The following GALNT1 variants were observed in gnomAD, a reference collection of about 807,000 sequenced individuals.
GALNT1 encodes polypeptide N-acetylgalactosaminyltransferase 1.
GALNT1 carries 17 observed loss-of-function variants against 65.7 expected under a neutral mutation model. That is an observed-to-expected ratio of 0.26 (90% CI 0.18 to 0.39). The LOEUF is 0.39. GALNT1 is among the 10% of genes least tolerant of loss of function. GALNT1 has a pLI of 1.00. For missense variants in GALNT1, 460 were observed against 672.8 expected, an observed-to-expected ratio of 0.68 and a Z score of 3.50; for synonymous variants, 210 against 219.7, an observed-to-expected ratio of 0.96 and a Z score of 0.39.
intron 1 of GALNT1, among the ~76,000 whole-genome samples, chr18:35,635,483 A>G (rs553085393): frequency 1.1e-4 from 16 of 152,328 alleles, no homozygotes; most frequent in Middle Eastern, 3.4e-3. Context: ...ACTGTTAACA[A>G]TCCAGGAACA....
intron 2 of GALNT1, among the ~76,000 whole-genome samples, chr18:35,662,670 T>C (rs1306310410): frequency 6.6e-6 from 1 of 152,230 alleles, no homozygotes; most frequent in African/African-American, 2.4e-5. Flanking sequence ...AATAAAACTT[T>C]AGATTTTAAA....
chr18:35,617,301 C>T (rs181572535), intron 1 of GALNT1, among the ~76,000 whole-genome samples: 1 of 152,068 alleles, frequency 6.6e-6, no homozygotes. Context: ...GTTAAGTGAA[C>T]AAATGTCTAC....
intron 1 of GALNT1, among the ~76,000 whole-genome samples, chr18:35,592,958 C>G (rs1222141809): frequency 6.6e-6 from 1 of 152,148 alleles, no homozygotes; most frequent in Non-Finnish European, 1.5e-5. Context: ...GAAAAGTGAT[C>G]AGTAAATGTT....
At chr18:35,640,379 T>C (rs368028749) in intron 1 of GALNT1, among the ~76,000 whole-genome samples, 1 of 150,518 alleles carries the variant, frequency 6.6e-6, no homozygotes, top group African/African-American at 2.5e-5. Flanking sequence ...AAGTAACAAG[T>C]ATTTTCTAAC....
intron 1 of GALNT1, among the ~76,000 whole-genome samples, chr18:35,616,602 G>A (rs1005423671): frequency 6.6e-5 from 10 of 152,128 alleles, no homozygotes; most frequent in African/African-American, 2.4e-4. Context: ...AGTAATGTTT[G>A]ATTCCTTTTG....
chr18:35,656,872 A>C lies in GALNT1; in HGVS notation c.139+2071A>C, dbSNP rs16966978. ...AGCTTGGAACAGACACTAAAATGAC[A>C]CTGGAGATGGAGAGGAAATAAATAT... On this transcript the variant is annotated intron_variant, in intron 2 of 11. Coordinates refer to ENST00000269195, the MANE Select transcript of GALNT1 (RefSeq NM_020474.4). 6.1e-3 allele frequency among the ~76,000 whole-genome samples: 935 copies of C among 152,308 alleles called. 10 individuals are homozygous for C. Among genetic ancestry groups the C allele is most frequent in the African/African-American group, 0.021 (862 of 41,558 alleles).
intron 5 of GALNT1, among the ~76,000 whole-genome samples, chr18:35,686,262 A>T (rs567294569): frequency 8.5e-4 from 129 of 152,244 alleles, no homozygotes; most frequent in Admixed American, 2.5e-3. Context: ...ATATCATAAG[A>T]GTATCAATTC....
intron 4 of GALNT1, among the ~76,000 whole-genome samples, chr18:35,681,079 C>T (rs1204940375): frequency 1.3e-5 from 2 of 152,072 alleles, no homozygotes; most frequent in East Asian, 1.9e-4. Flanking sequence ...TTATTCTTCT[C>T]TACTACTCCT....
chr18:35,618,183 T>C (rs1442789657), intron 1 of GALNT1, among the ~76,000 whole-genome samples: 1 of 152,174 alleles, frequency 6.6e-6, no homozygotes, highest in Non-Finnish European at 1.5e-5. Context: ...AGGAAAATAA[T>C]TTTACATCAT....
intron 3 of GALNT1, among the ~76,000 whole-genome samples, chr18:35,676,244 A>C (rs1056015199): frequency 2.0e-5 from 3 of 152,048 alleles, no homozygotes; most frequent in African/African-American, 7.2e-5. Flanking sequence ...AGGGAAGGTT[A>C]CTGTTAGTAG....
intron 1 of GALNT1, among the ~76,000 whole-genome samples, chr18:35,602,876 T>C (rs1044399945): frequency 6.6e-6 from 1 of 152,160 alleles, no homozygotes; most frequent in Non-Finnish European, 1.5e-5. Context: ...TTTGTCCTTC[T>C]GGGGAAGCCA....
intron 1 of GALNT1, among the ~76,000 whole-genome samples, chr18:35,652,866 C>T (rs1272413284): frequency 6.6e-6 from 1 of 152,230 alleles, no homozygotes; most frequent in East Asian, 1.9e-4. Flanking sequence ...TTTAACTATT[C>T]TGCAGGCATT....
At chr18:35,589,936 TA>T (rs1270036547) in intron 1 of GALNT1, among the ~76,000 whole-genome samples, 1 of 152,272 alleles carries the variant, frequency 6.6e-6, no homozygotes, top group Non-Finnish European at 1.5e-5. Context: ...CCAAAGTTTC[TA>T]AATGCTTGCT....
intron 1 of GALNT1, among the ~76,000 whole-genome samples, chr18:35,598,991 G>GTTTTTT (rs377086201): frequency 8.7e-6 from 1 of 115,052 alleles, no homozygotes; most frequent in Non-Finnish European, 1.9e-5. Flanking sequence ...GTATCCAGGC[G>GTTTTTT]TTTTTTTTTT....
At chr18:35,605,807 T>A (rs1450213343) in intron 1 of GALNT1, among the ~76,000 whole-genome samples, 3 of 152,194 alleles carry the variant, frequency 2.0e-5, no homozygotes, top group Non-Finnish European at 4.4e-5. Flanking sequence ...GGGACTTTTT[T>A]CCAGCTGAAC....
chr18:35,663,428 C>T (rs753981811), intron 2 of GALNT1, among the ~76,000 whole-genome samples, 200 bp from the exon 3 acceptor site: 17 of 152,072 alleles, frequency 1.1e-4, no homozygotes, highest in Admixed American at 2.0e-4. Context: ...GGCAAGGTGA[C>T]GAAGTCTTGA....
intron 1 of GALNT1, among the ~76,000 whole-genome samples, chr18:35,637,071 G>A (rs763856810): frequency 1.3e-5 from 2 of 151,836 alleles, no homozygotes; most frequent in East Asian, 1.9e-4. Flanking sequence ...TGACTGCTCC[G>A]CCGACCAGCC....
At chr18:35,586,338 TAAATA>T (rs2046377701) in intron 1 of GALNT1, among the ~76,000 whole-genome samples, 1 of 152,238 alleles carries the variant, frequency 6.6e-6, no homozygotes, top group Non-Finnish European at 1.5e-5. Flanking sequence ...TTATATATTC[TAAATA>T]CTGGTCCTTT....
chr18:35,588,536 T>C (rs2046404713), intron 1 of GALNT1, among the ~76,000 whole-genome samples: 1 of 152,136 alleles, frequency 6.6e-6, no homozygotes, highest in Non-Finnish European at 1.5e-5. Context: ...GCCTGCCCTC[T>C]TTCTCCTCTT....
Sources: allele counts gnomAD v4.1 joint callset (sites outside exome capture counted in the v4.1 genomes callset), GRCh38; gene constraint gnomAD v4.1.1; transcripts MANE v1.5; gene names NCBI Gene and HGNC (gene_info 2026-07-23, HGNC 2026-07-21).